The following KIF1C variants were observed in gnomAD, a reference collection of about 807,000 sequenced individuals.
KIF1C encodes the protein kinesin family member 1C, also known as kinesin-like protein KIF1C.
A neutral mutation model predicts 126.5 loss-of-function variants in KIF1C; 61 were observed. That is an observed-to-expected ratio of 0.48 (90% confidence interval 0.39 to 0.60). The LOEUF (loss-of-function observed/expected upper bound fraction) is 0.60, where lower values mean the gene tolerates loss of function less well. Ranked by LOEUF, KIF1C falls within the 20% of genes least tolerant of loss-of-function variation. KIF1C has a pLI of 0.00. For missense variants in KIF1C, 1,315 were observed against 1,489.2 expected (o/e 0.88, Z 1.93); for synonymous variants, 640 against 580.6 (o/e 1.10, Z -1.47).
In KIF1C at chr17:5,006,902, T is replaced by G. The variant is rs1265938957; in HGVS notation, c.1166-13T>G. On this transcript the variant is annotated splice_polypyrimidine_tract_variant and intron_variant, in intron 13 of 22. Coordinates refer to ENST00000320785, the MANE Select transcript of KIF1C (RefSeq NM_006612.6). ...TCCTTAGCCTCATTCTTTTTCCTCT[T>G]TCTCCCTCCCAGGCCTGAAGACGGA... 1.2e-6 allele frequency: 2 copies of G among 1,611,838 alleles called. No homozygotes were observed. Among genetic ancestry groups the G allele is most frequent in the South Asian group, 1.1e-5 (1 of 90,916 alleles).
chr17:5,022,782 A>T lies in KIF1C; in HGVS notation c.2628+73A>T. Reference sequence around the variant, plus strand: ...TTTAGGAGTCTGAACCTTCCATCTCAGAGCCTAACCTTCCCCAAGTCTGGA... The same window carrying T: ...TTTAGGAGTCTGAACCTTCCATCTCTGAGCCTAACCTTCCCCAAGTCTGGA... On this transcript the variant is annotated intron_variant, in intron 22 of 22. Coordinates refer to ENST00000320785, the MANE Select transcript of KIF1C (RefSeq NM_006612.6). The surrounding 1 kb of genome is among the most constrained non-coding windows in gnomAD (Gnocchi z 4.9). The T allele has an allele frequency of 3.5e-6, 5 of 1,416,560 alleles. No individual in the cohort carries two copies. The highest frequency in any genetic ancestry group is 4.6e-6 in the Non-Finnish European group (5 of 1,089,538). 87.7% of individuals were successfully genotyped at this position (1,416,560 alleles called of 1,614,324 possible). A position where few individuals can be genotyped will look rare whatever the true frequency, so the allele number is the denominator to read the frequency against.
Position 5,022,714 on chromosome 17 carries a change from G to A in KIF1C, c.2628+5G>A. 3 of 1,516,806 alleles carry A rather than the reference G, an allele frequency of 2.0e-6. No individual in the cohort carries two copies. The highest frequency in any genetic ancestry group is 1.3e-5 in the South Asian group (1 of 75,892). 94.0% of individuals were successfully genotyped at this position (1,516,806 alleles called of 1,614,324 possible). Reference sequence around the variant, plus strand: ...AGGGTCATCCCCCTGGCCCAGGTAGGACTGGCCTTCTGCCTCCCTTCTCTC... The same window carrying A: ...AGGGTCATCCCCCTGGCCCAGGTAGAACTGGCCTTCTGCCTCCCTTCTCTC... On this transcript the variant is annotated splice_donor_5th_base_variant and intron_variant, in intron 22 of 22. Transcript: ENST00000320785. This position sits in a 1 kb window ranked among gnomAD's most constrained non-coding sequence, Gnocchi z 4.9.
intron 4 of KIF1C, 96 bp from the exon 5 acceptor site, chr17:5,001,126 A>G (rs17707329): frequency 0.022 from 28,640 of 1,298,468 alleles, 1,439 homozygotes; most frequent in Admixed American, 0.19. Context: ...CATTTGGGGA[A>G]TCGTCAGTGA....
intron 17 of KIF1C, chr17:5,014,393 T>C (rs891466752): frequency 4.1e-6 from 1 of 246,492 alleles, no homozygotes; most frequent in Admixed American, 4.8e-5. Context: ...TTAGCCACAT[T>C]GGTGCCTCCC....
rs1191246997 is a variant in KIF1C, at chr17:5,024,437, T to C, written c.*286T>C. 7.2e-6 allele frequency: 1 copy of C among 138,334 alleles called. No individual in the cohort carries two copies. The highest frequency in any genetic ancestry group is 1.2e-5 in the Non-Finnish European group (1 of 81,354). 8.6% of individuals were successfully genotyped at this position (138,334 alleles called of 1,614,324 possible). The stretch of plus-strand genomic sequence containing the variant: ...CCCACAAACGCTGCTATGGGTGGGG[T>C]GGGGGGCTGGGGTGCTGCGTAGCCA... On this transcript the variant is annotated 3_prime_UTR_variant, in exon 23 of 23. Transcript: ENST00000320785.
chr17:5,007,127 C>CT, intron 14 of KIF1C, 43 bp downstream of exon 14: 1 of 1,579,850 alleles, frequency 6.3e-7, no homozygotes, highest in African/African-American at 1.4e-5. Context: ...CTGGGCATTC[C>CT]TGGGAGTTTA....
In KIF1C at chr17:5,020,365, C is replaced by T; in HGVS notation, c.1751-127C>T. On this transcript the variant is annotated intron_variant, in intron 19 of 22. Transcript: ENST00000320785. The surrounding 1 kb of genome is among the most constrained non-coding windows in gnomAD (Gnocchi z 5.8). ...CCAGGGGAGCATAGGCTCCAACTGC[C>T]TTCAGACTTGGGGTGATGAAGGGGA... The T allele has an allele frequency of 9.9e-7, 1 of 1,013,564 alleles. No individual in the cohort carries two copies. The highest frequency in any genetic ancestry group is 1.4e-6 in the Non-Finnish European group (1 of 698,906). 62.8% of individuals were successfully genotyped at this position (1,013,564 alleles called of 1,614,324 possible).
In KIF1C at chr17:5,007,544, T is replaced by G; in HGVS notation, c.1491+2T>G. On this transcript the variant is annotated splice_donor_variant, in intron 16 of 22. Coordinates refer to ENST00000320785, the MANE Select transcript of KIF1C (RefSeq NM_006612.6). LOFTEE classifies it high-confidence loss of function. The stretch of plus-strand genomic sequence containing the variant: ...GTGGGCGTCTTCTCTCCAAAGAAGG[T>G]GAGTGAGGAATCGAGCGAGGAGGCC... The G allele has an allele frequency of 6.5e-7, 1 of 1,545,184 alleles. No individual in the cohort carries two copies.
At position 5,007,009 on chromosome 17, in the gene KIF1C, T is replaced by C. The variant is rs1974749517; in HGVS notation, c.1260T>C (p.Asn420=). The part of the protein sequence containing the change: ...PVSPSSPTTH[N]GELEPSFSPN... ...CACCCTCATCACCCACCACACATAA[T>C]GGGGAGCTGGAGCCGTCATTCTCCC... Residue 420 remains asparagine, a synonymous_variant, in exon 14 of 23, where the codon AAT becomes AAC. Transcript: ENST00000320785. 1 of 1,610,636 alleles carries C rather than the reference T, an allele frequency of 6.2e-7. No individual in the cohort carries two copies. The highest frequency in any genetic ancestry group is 1.3e-5 in the African/African-American group (1 of 74,548).
At position 5,002,539 on chromosome 17, in the gene KIF1C, CG is replaced by C; in HGVS notation, c.508del (p.Glu170SerfsTer17). On this transcript the variant is annotated frameshift_variant, in exon 7 of 23. Coordinates refer to ENST00000320785, the MANE Select transcript of KIF1C (RefSeq NM_006612.6). LOFTEE classifies it high-confidence loss of function. ...CAAGAGTCGGGGTTCTCTGCGGGTC[CG>C]GGAGCACCCCATCCTGGGCCCGTAC... Reference protein sequence around the residue: ...NPKSRGSLRVREHPILGPYVQ... With the variant: ...NPKSRGSLRVXEHPILGPYVQ... 1 of 1,614,000 alleles carries C rather than the reference CG, an allele frequency of 6.2e-7. No homozygotes were observed. The highest frequency in any genetic ancestry group is 8.5e-7 in the Non-Finnish European group (1 of 1,179,920).
In KIF1C at chr17:5,010,703, T is replaced by C. The variant is rs192975267; in HGVS notation, c.1492-2950T>C. On this transcript the variant is annotated intron_variant, in intron 16 of 22. Coordinates refer to ENST00000320785, the MANE Select transcript of KIF1C (RefSeq NM_006612.6). ...CGGAGCTTGCAGTGAGCCGAGATCA[T>C]GCCACTGCACTCCAGCCCAGGTGAC... is the stretch of plus-strand genomic sequence containing the variant. Among the ~76,000 whole-genome samples the C allele has an allele frequency of 2.7e-3, 408 of 150,768 alleles. 2 individuals carry two copies. The highest frequency in any genetic ancestry group is 9.0e-3 in the African/African-American group (369 of 41,054).
chr17:5,001,865 G>A (rs1481876182), intron 5 of KIF1C, among the ~76,000 whole-genome samples, 194 bp from the exon 6 acceptor site: 4 of 152,216 alleles, frequency 2.6e-5, no homozygotes, highest in East Asian at 1.9e-4. Flanking sequence ...CTGGCTGAAC[G>A]GTAGCCTGTG....
chr17:5,022,310 C>G lies in KIF1C; in HGVS notation c.2229C>G (p.Thr743=). The G allele has an allele frequency of 6.2e-7, 1 of 1,610,202 alleles. No homozygotes were observed. Among genetic ancestry groups the G allele is most frequent in the Non-Finnish European group, 8.5e-7 (1 of 1,178,178 alleles). ...AGGGCAAAGACCCCCGCTGGGCCAC[C>G]ATGGCTGACCTGAAGATGCAGGCGG... ...RLQGKDPRWA[T]MADLKMQAVK... Residue 743 remains threonine, a synonymous_variant, in exon 22 of 23, where the codon ACC becomes ACG. Transcript: ENST00000320785. The surrounding 1 kb of genome is among the most constrained non-coding windows in gnomAD (Gnocchi z 4.9).
At chr17:5,007,388 G>C (rs770449130) in intron 15 of KIF1C, 46 bp downstream of exon 15, 35 of 1,610,346 alleles carry the variant, frequency 2.2e-5, no homozygotes, top group Non-Finnish European at 2.7e-5. Flanking sequence ...TGGAGGCCAT[G>C]GGGGAGGTCA....
intron 3 of KIF1C, among the ~76,000 whole-genome samples, 156 bp downstream of exon 3, chr17:5,000,508 C>T (rs562036207): frequency 3.2e-4 from 49 of 152,176 alleles, no homozygotes; most frequent in Non-Finnish European, 5.0e-4. Flanking sequence ...TGGCCTTTCC[C>T]GTGTTCCCAG....
chr17:5,024,932 C>G lies in KIF1C; in HGVS notation c.*781C>G, dbSNP rs1975182302. 2.6e-5 allele frequency: 4 copies of G among 151,448 alleles called. No individual in the cohort carries two copies. The highest frequency in any genetic ancestry group is 1.5e-5 in the Non-Finnish European group (1 of 67,926). 9.4% of individuals were successfully genotyped at this position (151,448 alleles called of 1,614,324 possible). ...TTCCCCGCTTTTTTTTTTTGGGAGA[C>G]AGGGTCTTGCTTTGTTGCCCAGGCT... On this transcript the variant is annotated 3_prime_UTR_variant, in exon 23 of 23. Coordinates refer to ENST00000320785, the MANE Select transcript of KIF1C (RefSeq NM_006612.6).
At chr17:5,007,184 T>C (rs1974754293) in intron 14 of KIF1C, 79 bp from the exon 15 acceptor site, 1 of 1,563,624 alleles carries the variant, frequency 6.4e-7, no homozygotes, top group African/African-American at 1.4e-5. Flanking sequence ...AGGAGTAGCA[T>C]GGCCCCAGGG....
At chr17:5,018,435 G>C (rs1975024210) in intron 18 of KIF1C, among the ~76,000 whole-genome samples, 1 of 152,070 alleles carries the variant, frequency 6.6e-6, no homozygotes, top group East Asian at 1.9e-4. Flanking sequence ...GGGAGGCCAA[G>C]GCGGGCGGAT....
chr17:5,007,234 C>A, intron 14 of KIF1C, 29 bp from the exon 15 acceptor site: 1 of 1,595,116 alleles, frequency 6.3e-7, no homozygotes, highest in Non-Finnish European at 8.5e-7. Flanking sequence ...CCCAGACCAT[C>A]CTGAAACCTA....
Sources: gnomAD v4.1 joint callset for allele counts (sites outside exome capture counted in the v4.1 genomes callset) on GRCh38, gnomAD v4.1.1 for gene constraint, Gnocchi (gnomAD v3.1) non-coding constraint, MANE v1.5 for transcripts, NCBI Gene and HGNC (gene_info 2026-07-23, HGNC 2026-07-21) for gene names.